The following AGO3 variants were observed in gnomAD, a reference collection of about 807,000 sequenced individuals.
AGO3 encodes protein argonaute-3.
AGO3 carries 16 observed loss-of-function variants against 105.5 expected under a neutral mutation model. That is an observed-to-expected ratio of 0.15 (90% CI 0.10 to 0.23). The LOEUF (loss-of-function observed/expected upper bound fraction) is 0.23, where lower values mean the gene tolerates loss of function less well. Among genes scored for constraint, AGO3 ranks in the 10% least tolerant of loss-of-function variants. AGO3 has a pLI of 1.00. For synonymous variants in AGO3, 340 were observed against 367.3 expected (o/e 0.93, Z 0.85); for missense variants, 534 against 1,088.0 (o/e 0.49, Z 7.16).
At chr1:35,982,735 T>A in intron 5 of AGO3, 1 of 697,054 alleles carries the variant, frequency 1.4e-6, no homozygotes, top group East Asian at 2.7e-5. Flanking sequence ...GATGGTCTAA[T>A]GTGGGATGGA....
At chr1:35,987,545 A>G (rs549183776) in intron 5 of AGO3, among the ~76,000 whole-genome samples, 1 of 152,222 alleles carries the variant, frequency 6.6e-6, no homozygotes, top group Admixed American at 6.5e-5. Context: ...GAACAAAAGT[A>G]TGTACTAGGT....
Position 35,945,740 on chromosome 1 carries a change from A to C in AGO3, c.68A>C (p.Tyr23Ser). The C allele has an allele frequency of 6.2e-7, 1 of 1,613,174 alleles. No homozygotes were observed. ...PLLMVPRRPG[Y>S]GTMGKPIKLL... ...CTCATGGTGCCCAGAAGACCTGGCT[A>C]TGGCACCATGGGCAAACCCATTAAA... The change falls in exon 2 of 19, where the codon TAT becomes TCT. Residue 23 changes from tyrosine (Y) to serine (S), a missense_variant. By Grantham distance (144) the Tyr-to-Ser change is moderately radical. Around this residue, in one of 2 missense-constraint regions of AGO3, gnomAD observed 161 missense variants for 234.0 expected, o/e 0.69. Coordinates refer to ENST00000373191, the MANE Select transcript of AGO3 (RefSeq NM_024852.4).
intron 2 of AGO3, among the ~76,000 whole-genome samples, chr1:35,961,243 G>A (rs1280421080): frequency 1.3e-5 from 2 of 151,894 alleles, no homozygotes; most frequent in Non-Finnish European, 2.9e-5. Context: ...GAGCCACTGC[G>A]CCTGGCCATT....
Position 36,027,778 on chromosome 1 carries a change from CAA to C in AGO3, c.1591+494_1591+495del, listed in dbSNP as rs529893386. Among the ~76,000 whole-genome samples, 16 of 66,646 alleles carry C rather than the reference CAA, an allele frequency of 2.4e-4. No individual in the cohort carries two copies. Among genetic ancestry groups the C allele is most frequent in the Admixed American group, 7.0e-4 (4 of 5,682 alleles). 43.7% of individuals were successfully genotyped at this position (66,646 alleles called of 152,430 possible). A position where few individuals can be genotyped will look rare whatever the true frequency, so the allele number is the denominator to read the frequency against. On this transcript the variant is annotated intron_variant, in intron 12 of 18. Transcript: ENST00000373191. The surrounding 1 kb of genome is among the most constrained non-coding windows in gnomAD (Gnocchi z 4.0). ...TGGGCGACAGAGCGAAAGTCCGTCT[CAA>C]AAAAAAAAAAAAAGGGTTTCAGTAG...
At chr1:35,962,395 T>C (rs893013662) in intron 2 of AGO3, among the ~76,000 whole-genome samples, 5 of 151,796 alleles carry the variant, frequency 3.3e-5, no homozygotes, top group South Asian at 2.1e-4. Context: ...TACAAAAAAT[T>C]AGCCAGGCAT....
chr1:36,034,772 G>C (rs909043321), intron 13 of AGO3, among the ~76,000 whole-genome samples: 2 of 152,184 alleles, frequency 1.3e-5, no homozygotes, highest in African/African-American at 2.4e-5. Context: ...GGTTTCATGA[G>C]ACTACTCACC....
intron 5 of AGO3, among the ~76,000 whole-genome samples, chr1:35,990,283 T>G (rs971805744): frequency 6.6e-6 from 1 of 151,464 alleles, no homozygotes; most frequent in African/African-American, 2.4e-5. Flanking sequence ...CCGAGGGGGG[T>G]GGATCACGAG....
chr1:35,968,004 C>T (rs184934855), intron 3 of AGO3, among the ~76,000 whole-genome samples: 1 of 152,162 alleles, frequency 6.6e-6, no homozygotes, highest in Non-Finnish European at 1.5e-5. Flanking sequence ...TGTAGAATGT[C>T]CTTCAGTCTG....
chr1:35,971,932 T>G, intron 3 of AGO3, 92 bp from the exon 4 acceptor site: 1 of 1,232,046 alleles, frequency 8.1e-7, no homozygotes, highest in Non-Finnish European at 1.1e-6. Flanking sequence ...ATTTTTGCCA[T>G]GTTTTCTCTT....
intron 1 of AGO3, among the ~76,000 whole-genome samples, chr1:35,932,556 ATT>A (rs201169266): frequency 8.0e-4 from 115 of 143,044 alleles, no homozygotes; most frequent in African/African-American, 1.8e-3. Context: ...AGAGTTACAA[ATT>A]TTTTTTTTTT....
chr1:36,019,542 T>C (rs992960109), intron 11 of AGO3, among the ~76,000 whole-genome samples: 1 of 152,222 alleles, frequency 6.6e-6, no homozygotes, highest in Non-Finnish European at 1.5e-5. Context: ...GCTGCTGTTA[T>C]AGCATCAGCC....
Position 36,069,683 on chromosome 1 carries a change from CTT to C in AGO3, c.*13941_*13942del, listed in dbSNP as rs948667682. On this transcript the variant is annotated 3_prime_UTR_variant, in exon 19 of 19. Coordinates refer to ENST00000373191, the MANE Select transcript of AGO3 (RefSeq NM_024852.4). ...ATAATAATCCTTGGCAAAAGCATAA[CTT>C]TTCAAAAACCAAATGATTTTAGTGG... 1 of 152,208 alleles carries C rather than the reference CTT, an allele frequency of 6.6e-6. No individual in the cohort carries two copies. The highest frequency in any genetic ancestry group is 1.5e-5 in the Non-Finnish European group (1 of 68,042). 9.4% of individuals were successfully genotyped at this position (152,208 alleles called of 1,614,324 possible).
intron 9 of AGO3, among the ~76,000 whole-genome samples, chr1:36,011,386 G>C (rs545603473): frequency 6.6e-6 from 1 of 151,732 alleles, no homozygotes; most frequent in Admixed American, 6.6e-5. Flanking sequence ...CTTCTGTAAA[G>C]AGTCAAAGAA....
chr1:35,952,251 G>C (rs1431000544), intron 2 of AGO3, among the ~76,000 whole-genome samples: 1 of 148,586 alleles, frequency 6.7e-6, no homozygotes, highest in African/African-American at 2.5e-5. Context: ...AGTTCAAGCA[G>C]TTCTCCTCAG....
intron 1 of AGO3, among the ~76,000 whole-genome samples, chr1:35,938,129 C>T (rs1020504736): frequency 2.6e-5 from 4 of 151,816 alleles, no homozygotes; most frequent in Middle Eastern, 3.4e-3. Flanking sequence ...TACAGGTGCC[C>T]GCCACCACGT....
chr1:36,049,063 G>A (rs1642591319), intron 17 of AGO3, among the ~76,000 whole-genome samples: 1 of 152,208 alleles, frequency 6.6e-6, no homozygotes. Flanking sequence ...CATAGATGGA[G>A]CTGAAGGTCA....
intron 1 of AGO3, among the ~76,000 whole-genome samples, chr1:35,931,912 A>T (rs1002002578): frequency 4.6e-5 from 7 of 152,216 alleles, no homozygotes; most frequent in Non-Finnish European, 2.9e-5. Flanking sequence ...CGTTAAATTC[A>T]ACATGGCATT....
intron 5 of AGO3, among the ~76,000 whole-genome samples, chr1:35,994,286 C>A (rs1263580694): frequency 1.3e-5 from 2 of 151,866 alleles, no homozygotes; most frequent in Non-Finnish European, 2.9e-5. Context: ...CTGGTACTAA[C>A]CCCTGACAAA....
Position 36,040,409 on chromosome 1 carries a change from A to T in AGO3, c.2140A>T (p.Thr714Ser), listed in dbSNP as rs1642194476. Residue 714 changes from threonine to serine, a missense_variant, in exon 16 of 19, where the codon ACT becomes TCT. Coordinates refer to ENST00000373191, the MANE Select transcript of AGO3 (RefSeq NM_024852.4). Reference sequence around the variant, plus strand: ...CATTGTAGTTCAGAAGAGACATCACACTCGATTATTTTGTGCTGATAGGAC... The same window carrying T: ...CATTGTAGTTCAGAAGAGACATCACTCTCGATTATTTTGTGCTGATAGGAC... ...TYIVVQKRHHTRLFCADRTER... is the reference protein window; with the variant it reads ...TYIVVQKRHHSRLFCADRTER... 1 of 1,613,930 alleles carries T rather than the reference A, an allele frequency of 6.2e-7. No individual in the cohort carries two copies. The highest frequency in any genetic ancestry group is 1.7e-5 in the Admixed American group (1 of 59,998).
Sources: allele counts gnomAD v4.1 joint callset (sites outside exome capture counted in the v4.1 genomes callset), GRCh38; gene constraint gnomAD v4.1.1; regional missense constraint gnomAD v4.1.1; non-coding constraint Gnocchi (gnomAD v3.1); transcripts MANE v1.5; gene names NCBI Gene and HGNC (gene_info 2026-07-23, HGNC 2026-07-21).